KLF15: variants seen among roughly 807,000 people sequenced by gnomAD.
The protein encoded by KLF15 is KLF transcription factor 15, also known as Krueppel-like factor 15.
Under a neutral mutation model 24.6 loss-of-function variants are expected in KLF15, and 4 were observed. That is an observed-to-expected ratio of 0.16 (90% confidence interval 0.08 to 0.37). The LOEUF (loss-of-function observed/expected upper bound fraction) is 0.37. Among genes scored for constraint, KLF15 ranks in the 10% least tolerant of loss-of-function variants. The pLI, the probability that KLF15 is intolerant of heterozygous loss-of-function variation, is 1.00. For synonymous variants in KLF15, 246 were observed against 236.3 expected, an observed-to-expected ratio of 1.04 and a Z score of -0.37; for missense variants, 496 against 560.6, an observed-to-expected ratio of 0.88 and a Z score of 1.16.
the KLF15 span, among the ~76,000 whole-genome samples, chr3:126,310,368 T>A: frequency 6.6e-6 from 1 of 152,128 alleles, no homozygotes; most frequent in Non-Finnish European, 1.5e-5. Flanking sequence ...CTCAGGGAGG[T>A]TTCACTCCTG....
At chr3:126,291,715 C>T in the KLF15 span, among the ~76,000 whole-genome samples, 2 of 152,260 alleles carry the variant, frequency 1.3e-5, no homozygotes, top group Admixed American at 6.5e-5. Context: ...GACCAGGACT[C>T]TGCCACCTGC....
chr3:126,312,130 C>T, the KLF15 span, among the ~76,000 whole-genome samples: 10 of 152,320 alleles, frequency 6.6e-5, no homozygotes, highest in African/African-American at 2.2e-4. Context: ...GCAGCAGATG[C>T]TGTGGCTGTC....
chr3:126,349,852 G>A (rs990990626), intron 2 of KLF15, among the ~76,000 whole-genome samples: 2 of 152,188 alleles, frequency 1.3e-5, no homozygotes, highest in Non-Finnish European at 2.9e-5. Flanking sequence ...CAGGGTCCCT[G>A]GGAGTAGGGG....
chr3:126,351,993 G>A lies in KLF15; in HGVS notation c.930C>T (p.Pro310=). The part of the protein sequence containing the change: ...PAGLLMGQKF[P]KNPAAELIKM... The stretch of plus-strand genomic sequence containing the variant: ...TGATGAGTTCTGCGGCTGGGTTCTT[G>A]GGGAACTTCTGGCCCATGAGGAGAC... The change falls in exon 2 of 3, where the codon CCC becomes CCT. Residue 310 remains proline (P), a synonymous_variant. Transcript: ENST00000296233. 6.3e-7 allele frequency: 1 copy of A among 1,581,274 alleles called. No individual in the cohort carries two copies. The highest frequency in any genetic ancestry group is 8.6e-7 in the Non-Finnish European group (1 of 1,163,780).
Position 126,356,188 on chromosome 3 carries a change from AAG to A in KLF15, c.-26+1047_-26+1048del, listed in dbSNP as rs1221848970. Among the ~76,000 whole-genome samples the A allele has an allele frequency of 6.6e-6, 1 of 152,038 alleles. No individual in the cohort carries two copies. Among genetic ancestry groups the A allele is most frequent in the African/African-American group, 2.4e-5 (1 of 41,416 alleles). ...GGCGGCGGGGGCTGTCCTTCAAAAT[AAG>A]AGTCTCCGGTCCCTGAGCCGCCCGC... is the stretch of plus-strand genomic sequence containing the variant. On this transcript the variant is annotated intron_variant, in intron 1 of 2. Transcript: ENST00000296233. The surrounding 1 kb of genome is among the most constrained non-coding windows in gnomAD (Gnocchi z 4.4).
At chr3:126,324,822 A>C in the KLF15 span, among the ~76,000 whole-genome samples, 205 of 16,062 alleles carry the variant, frequency 0.013, 2 homozygotes, top group African/African-American at 0.05. Flanking sequence ...TTTTTTTTTT[A>C]TTATACTCTA....
the KLF15 span, among the ~76,000 whole-genome samples, chr3:126,323,786 G>C: frequency 6.9e-6 from 1 of 145,798 alleles, no homozygotes; most frequent in Admixed American, 7.0e-5. Flanking sequence ...AGTCACGCCT[G>C]ATAATCTCAT....
the KLF15 span, among the ~76,000 whole-genome samples, chr3:126,309,787 T>C: frequency 9.2e-5 from 14 of 152,278 alleles, no homozygotes; most frequent in South Asian, 1.0e-3. Flanking sequence ...AAGATGATCC[T>C]GGTGACTCTT....
At chr3:126,315,439 T>A in the KLF15 span, among the ~76,000 whole-genome samples, 19 of 152,204 alleles carry the variant, frequency 1.2e-4, no homozygotes. Context: ...TCCACCCCAC[T>A]GTGCCCCAGA....
In KLF15 at chr3:126,356,140, G is replaced by A. The variant is rs1420518864; in HGVS notation, c.-26+1097C>T. On this transcript the variant is annotated intron_variant, in intron 1 of 2. Coordinates refer to ENST00000296233, the MANE Select transcript of KLF15 (RefSeq NM_014079.4). The surrounding 1 kb of genome is among the most constrained non-coding windows in gnomAD (Gnocchi z 4.4). ...GCGCCGGCCAAGGGCTTGCCATTGG[G>A]TCAGCGTGCAAATCACGGGGGTGGC... is the stretch of plus-strand genomic sequence containing the variant. Among the ~76,000 whole-genome samples, 1 of 152,196 alleles carries A rather than the reference G, an allele frequency of 6.6e-6. No homozygotes were observed. The highest frequency in any genetic ancestry group is 2.4e-5 in the African/African-American group (1 of 41,460).
the KLF15 span, among the ~76,000 whole-genome samples, chr3:126,289,806 A>G: frequency 6.6e-6 from 1 of 152,356 alleles, no homozygotes; most frequent in South Asian, 2.1e-4. Flanking sequence ...GCCTCGATCA[A>G]CTTAGAAGTT....
the KLF15 span, among the ~76,000 whole-genome samples, chr3:126,289,815 T>C: frequency 1.3e-5 from 2 of 152,212 alleles, no homozygotes; most frequent in Non-Finnish European, 2.9e-5. Flanking sequence ...AACTTAGAAG[T>C]TTACTTTGCC....
In KLF15 at chr3:126,343,381, G is replaced by A; in HGVS notation, c.*346C>T. Reference sequence around the variant, plus strand: ...AAAGTTCTGGCCTTGGCCCAGGATGGGGGAGCCCAGTGGGAGAAGGGCCAG... The same window carrying A: ...AAAGTTCTGGCCTTGGCCCAGGATGAGGGAGCCCAGTGGGAGAAGGGCCAG... On this transcript the variant is annotated 3_prime_UTR_variant, in exon 3 of 3. Transcript: ENST00000296233. The A allele has an allele frequency of 3.3e-6, 1 of 300,418 alleles. No individual in the cohort carries two copies. The highest frequency in any genetic ancestry group is 6.2e-6 in the Non-Finnish European group (1 of 162,482). 18.6% of individuals were successfully genotyped at this position (300,418 alleles called of 1,614,324 possible). A position where few individuals can be genotyped will look rare whatever the true frequency, so the allele number is the denominator to read the frequency against.
chr3:126,317,459 TG>T, the KLF15 span, among the ~76,000 whole-genome samples: 1 of 152,188 alleles, frequency 6.6e-6, no homozygotes, highest in Non-Finnish European at 1.5e-5. Context: ...TCTCAGGAGT[TG>T]GGCGAGTGGG....
the KLF15 span, among the ~76,000 whole-genome samples, chr3:126,328,238 G>T: frequency 6.6e-6 from 1 of 152,098 alleles, no homozygotes; most frequent in Non-Finnish European, 1.5e-5. Context: ...ATCTCATTTA[G>T]GTCACTGCAA....
At chr3:126,320,237 C>T in the KLF15 span, among the ~76,000 whole-genome samples, 1 of 152,184 alleles carries the variant, frequency 6.6e-6, no homozygotes, top group Non-Finnish European at 1.5e-5. Flanking sequence ...GGTGGCTGCC[C>T]TGCAGGAACA....
chr3:126,322,292 G>C, the KLF15 span, among the ~76,000 whole-genome samples: 2 of 152,144 alleles, frequency 1.3e-5, no homozygotes, highest in African/African-American at 2.4e-5. Flanking sequence ...CCAGAATGAA[G>C]GTGCCATCGG....
the KLF15 span, among the ~76,000 whole-genome samples, chr3:126,328,184 G>C: frequency 2.0e-5 from 3 of 151,820 alleles, no homozygotes; most frequent in South Asian, 6.2e-4. Flanking sequence ...TATGATGTTT[G>C]GTTTTCCATT....
chr3:126,314,472 GC>G, the KLF15 span, among the ~76,000 whole-genome samples: 2 of 152,186 alleles, frequency 1.3e-5, no homozygotes, highest in Non-Finnish European at 2.9e-5. Flanking sequence ...CCTCCCTATG[GC>G]CAGTTGTGTT....
Sources: allele counts gnomAD v4.1 joint callset (sites outside exome capture counted in the v4.1 genomes callset), GRCh38; gene constraint gnomAD v4.1.1; non-coding constraint Gnocchi (gnomAD v3.1); transcripts MANE v1.5; gene names NCBI Gene and HGNC (gene_info 2026-07-23, HGNC 2026-07-21).